Variants in NEBL observed in about 807,000 individuals in gnomAD.
The protein encoded by NEBL is nebulette.
Under a neutral mutation model 140.2 loss-of-function variants are expected in NEBL, and 122 were observed. The ratio of observed to expected loss-of-function variants is 0.87; its 90% CI spans 0.75 to 1.01. The LOEUF is 1.01. NEBL is among the 50% of genes least tolerant of loss of function. The probability of loss-of-function intolerance (pLI) is 0.00; values close to 1 mark genes in which losing one functional copy is unlikely to be tolerated. For missense variants in NEBL, 1,365 were observed against 1,231.3 expected, an observed-to-expected ratio of 1.11 and a Z score of -1.62; for synonymous variants, 436 against 398.9, an observed-to-expected ratio of 1.09 and a Z score of -1.11.
At chr10:20,884,379 A>C (rs922148476) in intron 4 of NEBL, among the ~76,000 whole-genome samples, 3 of 152,184 alleles carry the variant, frequency 2.0e-5, no homozygotes, top group Non-Finnish European at 4.4e-5. Flanking sequence ...ATCTGGCCAA[A>C]TGTGGCATTG....
rs200093504 is a variant in NEBL at position 20,874,741 on chromosome 10, A to AT, written c.481-4901dup. On this transcript the variant is annotated intron_variant, in intron 5 of 27. Transcript: ENST00000377122. The stretch of plus-strand genomic sequence containing the variant: ...TAACACAGCCTCCATTTCACTTTTC[A>AT]TTTTTTTTCTTTTTTGAAGATGAAG... Among the ~76,000 whole-genome samples the AT allele has an allele frequency of 2.3e-3, 355 of 151,692 alleles. 10 individuals are homozygous for AT. The East Asian group carries it at 0.052, about 22-fold the overall frequency.
rs1564348838 is a variant in NEBL, at chr10:20,815,622, T to C, written c.2241+3A>G. On this transcript the variant is annotated splice_donor_region_variant and intron_variant, in intron 22 of 27. Transcript: ENST00000377122. ...ATAGTCTAAAATGAAGAAAACCACT[T>C]GCCGAGCTAATATTTTCTTGATTCT... is the stretch of plus-strand genomic sequence containing the variant. 6.3e-7 allele frequency: 1 copy of C among 1,596,996 alleles called. No homozygotes were observed. The highest frequency in any genetic ancestry group is 2.2e-5 in the East Asian group (1 of 44,726).
chr10:21,122,002 GGTTGTT>G (rs147160117), intron 2 of NEBL, among the ~76,000 whole-genome samples: 355 of 149,552 alleles, frequency 2.4e-3, no homozygotes, highest in African/African-American at 5.9e-3. Context: ...GATTTCTCCT[GGTTGTT>G]GTTGTTGTTG....
chr10:21,286,367 G>A (rs1010999069), intron 1 of NEBL, among the ~76,000 whole-genome samples: 3 of 152,132 alleles, frequency 2.0e-5, no homozygotes, highest in Admixed American at 6.6e-5. Flanking sequence ...TGTGGGGCAC[G>A]GCCAGGCCAA....
chr10:21,245,941 C>T (rs1241278145), intron 3 of NEBL, among the ~76,000 whole-genome samples: 1 of 152,136 alleles, frequency 6.6e-6, no homozygotes, highest in Admixed American at 6.6e-5. Flanking sequence ...GTGATCCGCC[C>T]GCCTCAGCCT....
chr10:21,050,693 A>G (rs1834737481), intron 2 of NEBL, among the ~76,000 whole-genome samples: 1 of 152,230 alleles, frequency 6.6e-6, no homozygotes, highest in South Asian at 2.1e-4. Context: ...TTTTCCAGGA[A>G]TGAGAAGATT....
chr10:20,846,502 G>C (rs752216677), intron 11 of NEBL, among the ~76,000 whole-genome samples: 6 of 152,144 alleles, frequency 3.9e-5, no homozygotes, highest in Non-Finnish European at 7.4e-5. Context: ...GCCACAAGGA[G>C]AGAAACAAAG....
intron 3 of NEBL, among the ~76,000 whole-genome samples, chr10:21,187,241 A>T (rs1446729153): frequency 2.0e-5 from 3 of 152,080 alleles, no homozygotes; most frequent in Non-Finnish European, 4.4e-5. Context: ...GCTGTGCAGA[A>T]CTATGAGTCA....
At chr10:20,796,116 C>A (rs1836491899) in intron 26 of NEBL, among the ~76,000 whole-genome samples, 1 of 152,078 alleles carries the variant, frequency 6.6e-6, no homozygotes, top group Non-Finnish European at 1.5e-5. Flanking sequence ...CCAATCCCAG[C>A]ATTTTGGGAG....
At chr10:21,094,269 G>A (rs970773652) in intron 2 of NEBL, among the ~76,000 whole-genome samples, 33 of 152,040 alleles carry the variant, frequency 2.2e-4, no homozygotes, top group Non-Finnish European at 4.1e-4. Flanking sequence ...TTGGGAGGCC[G>A]AGGTGGGCGG....
rs576954009 is a variant in NEBL at position 21,208,579 on chromosome 10, A to G, written n.349-36102T>C. 5.9e-5 allele frequency among the ~76,000 whole-genome samples: 9 copies of G among 152,320 alleles called. No homozygotes were observed. In the South Asian group the frequency reaches 1.9e-3, roughly 32 times the overall value. ...CACAAGGGAAGTTTATTTCTTGCTC[A>G]TGTTACAGAACAGTGAGGGTCAGCA... On this transcript the variant is annotated intron_variant and non_coding_transcript_variant, in intron 3 of 8. Transcript: ENST00000675702.
chr10:20,955,064 C>A (rs189621095), intron 4 of NEBL, among the ~76,000 whole-genome samples: 15 of 152,260 alleles, frequency 9.9e-5, no homozygotes, highest in African/African-American at 3.1e-4. Context: ...TTAGGAAAAC[C>A]TTGCAAGAAA....
At chr10:20,850,549 A>G in intron 10 of NEBL, 47 bp from the exon 11 acceptor site, 1 of 1,173,388 alleles carries the variant, frequency 8.5e-7, no homozygotes, top group Non-Finnish European at 1.3e-6. Context: ...GTCCTTATAC[A>G]AACAGAGCAA....
At chr10:21,022,152 C>T (rs532806661) in intron 2 of NEBL, among the ~76,000 whole-genome samples, 2 of 152,292 alleles carry the variant, frequency 1.3e-5, no homozygotes, top group South Asian at 4.1e-4. Flanking sequence ...CCTTTAGCTG[C>T]TGTGACCCCA....
At chr10:20,796,457 TA>T (rs1271714230) in intron 26 of NEBL, among the ~76,000 whole-genome samples, 1 of 150,752 alleles carries the variant, frequency 6.6e-6, no homozygotes, top group East Asian at 1.9e-4. Flanking sequence ...CACACAACAT[TA>T]GTTGTATTTT....
intron 3 of NEBL, among the ~76,000 whole-genome samples, chr10:21,216,756 G>A (rs1023432266): frequency 4.1e-5 from 6 of 146,196 alleles, no homozygotes; most frequent in Admixed American, 6.8e-5. Flanking sequence ...GGGCAACAAA[G>A]CAAGACTCCA....
intron 4 of NEBL, among the ~76,000 whole-genome samples, chr10:20,932,564 C>T (rs112622575): frequency 0.012 from 1,760 of 152,254 alleles, 32 homozygotes; most frequent in African/African-American, 0.04. Flanking sequence ...ACATTCTGCA[C>T]ATGTATCCCA....
Position 21,189,987 on chromosome 10 carries a change from A to G in NEBL, n.349-17510T>C, listed in dbSNP as rs1017594909. On this transcript the variant is annotated intron_variant and non_coding_transcript_variant, in intron 3 of 8. Transcript: ENST00000675702. ...GTTGAAATGTTTCAGAATTTCAGAC[A>G]TCATCCCAGAATTGAGGTGTTTTGG... 7.2e-5 allele frequency among the ~76,000 whole-genome samples: 11 copies of G among 152,206 alleles called. No individual in the cohort carries two copies. The South Asian group carries it at 1.7e-3, about 23-fold the overall frequency.
At chr10:21,077,858 C>T (rs766737641) in intron 2 of NEBL, among the ~76,000 whole-genome samples, 2 of 152,022 alleles carry the variant, frequency 1.3e-5, no homozygotes, top group Non-Finnish European at 2.9e-5. Flanking sequence ...ACTGATAGAC[C>T]TTTCAACAGC....
Sources: allele counts gnomAD v4.1 joint callset (sites outside exome capture counted in the v4.1 genomes callset), GRCh38; gene constraint gnomAD v4.1.1; transcripts MANE v1.5; gene names NCBI Gene and HGNC (gene_info 2026-07-23, HGNC 2026-07-21).